Variants in KDM1B observed in about 807,000 individuals in gnomAD.
The protein encoded by KDM1B is lysine-specific histone demethylase 2.
KDM1B carries 63 observed loss-of-function variants against 107.4 expected under a neutral mutation model. The observed-to-expected ratio is 0.59, with a 90% confidence interval of 0.48 to 0.72. The LOEUF (loss-of-function observed/expected upper bound fraction) is 0.72. Ranked by LOEUF, KDM1B falls within the 30% of genes least tolerant of loss-of-function variation. The pLI, the probability that KDM1B is intolerant of heterozygous loss-of-function variation, is 0.00. For synonymous variants in KDM1B, 363 were observed against 363.9 expected (o/e 1.00, Z 0.03); for missense variants, 749 against 1,020.8 (o/e 0.73, Z 3.63).
Position 18,205,595 on chromosome 6 carries a change from G to C in KDM1B, c.1590G>C (p.Glu530Asp). 1 of 1,545,578 alleles carries C rather than the reference G, an allele frequency of 6.5e-7. No individual in the cohort carries two copies. The highest frequency in any genetic ancestry group is 8.7e-7 in the Non-Finnish European group (1 of 1,144,480). ...AGGAATCTGGTATCCAATTCAGTGA[G>C]CTGGAGGGACAGGTGCTTCAGTTCC... ...FIKESGIQFS[E>D]LEGQVLQFHL... Residue 530 changes from glutamate (E) to aspartate (D), a missense_variant, in exon 15 of 22, where the codon GAG (glutamate) becomes GAC (aspartate). By Grantham distance (45) the Glu-to-Asp change is conservative. Coordinates refer to ENST00000650836, the MANE Select transcript of KDM1B (RefSeq NM_001364614.2). This position sits in a 1 kb window ranked among gnomAD's most constrained non-coding sequence, Gnocchi z 5.7.
At chr6:18,190,955 TTAAAAA>T (rs1399043757) in intron 9 of KDM1B, among the ~76,000 whole-genome samples, 2 of 152,044 alleles carry the variant, frequency 1.3e-5, no homozygotes, top group Non-Finnish European at 1.5e-5. Context: ...TTTACCACAG[TTAAAAA>T]TAAAATAATT....
intron 6 of KDM1B, 116 bp from the exon 7 acceptor site, chr6:18,171,247 A>G (rs1053136869): frequency 8.3e-6 from 6 of 720,508 alleles, no homozygotes; most frequent in Non-Finnish European, 1.3e-5. Flanking sequence ...TGCAAGGAGG[A>G]GAAAAAATAC....
chr6:18,185,581 C>T (rs1335253335), intron 7 of KDM1B, among the ~76,000 whole-genome samples, 191 bp from the exon 8 acceptor site: 7 of 152,162 alleles, frequency 4.6e-5, no homozygotes, highest in South Asian at 2.1e-4. Flanking sequence ...CTCAACCTCC[C>T]GAAGTGCTGG....
At chr6:18,169,434 C>T (rs1213876731) in intron 6 of KDM1B, among the ~76,000 whole-genome samples, 2 of 152,062 alleles carry the variant, frequency 1.3e-5, no homozygotes, top group African/African-American at 4.8e-5. Context: ...CCATGTTGGC[C>T]AGGCAGGTCT....
chr6:18,158,298 C>T lies in KDM1B; in HGVS notation c.-13-1585C>T, dbSNP rs116299013. 7.3e-3 allele frequency among the ~76,000 whole-genome samples: 995 copies of T among 135,714 alleles called. 11 individuals carry two copies. Among genetic ancestry groups the T allele is most frequent in the African/African-American group, 0.026 (955 of 36,196 alleles). The allele number at this position is 135,714 out of a possible 152,430, so 89.0% of individuals were successfully genotyped here. On this transcript the variant is annotated intron_variant, in intron 2 of 21. Transcript: ENST00000650836. The stretch of plus-strand genomic sequence containing the variant: ...AAGTGAAGATTAAGTCAAAGGAGGC[C>T]GGGCGATAGAGTGAGACTCCTTCAC...
Position 18,186,497 on chromosome 6 carries a change from C to T in KDM1B, c.573+687C>T, listed in dbSNP as rs900608844. Among the ~76,000 whole-genome samples, 5 of 152,242 alleles carry T rather than the reference C, an allele frequency of 3.3e-5. No homozygotes were observed. The highest frequency in any genetic ancestry group is 3.4e-3 in the Middle Eastern group (1 of 294). ...CTAGATGTCTGAAACTCAGGAACTA[C>T]GATAGCTTTTCAGGCAAAGACAGCA... On this transcript the variant is annotated intron_variant, in intron 8 of 21. Transcript: ENST00000650836. The surrounding 1 kb of genome is among the most constrained non-coding windows in gnomAD (Gnocchi z 5.6).
rs1421049204 is a variant in KDM1B, at chr6:18,191,133, C to T, written c.785-64C>T. The T allele has an allele frequency of 4.7e-6, 7 of 1,473,838 alleles. No homozygotes were observed. Among genetic ancestry groups the T allele is most frequent in the Non-Finnish European group, 6.4e-6 (7 of 1,089,196 alleles). The allele number at this position is 1,473,838 out of a possible 1,614,324, so 91.3% of individuals were successfully genotyped here. ...GCTTACTTTTTGGTTTGCTTTTGCCCTTTAATTCTTCTGGATTTGGAAGTT... is the reference window on the plus strand; with the variant it reads ...GCTTACTTTTTGGTTTGCTTTTGCCTTTTAATTCTTCTGGATTTGGAAGTT... On this transcript the variant is annotated intron_variant, in intron 9 of 21. Transcript: ENST00000650836. This position sits in a 1 kb window ranked among gnomAD's most constrained non-coding sequence, Gnocchi z 5.1.
chr6:18,173,106 A>G (rs1033912051), intron 7 of KDM1B, among the ~76,000 whole-genome samples: 6 of 148,616 alleles, frequency 4.0e-5, no homozygotes, highest in African/African-American at 9.9e-5. Flanking sequence ...AAAAAAAAAA[A>G]GTGTAATCAG....
chr6:18,202,554 T>C (rs6938294), intron 14 of KDM1B, among the ~76,000 whole-genome samples: 13,937 of 152,224 alleles, frequency 0.092, 840 homozygotes, highest in Non-Finnish European at 0.12. Context: ...TAAATTGATA[T>C]TTATTTGGCC....
At position 18,215,139 on chromosome 6, in the gene KDM1B, A is replaced by T. The variant is rs1789126197; in HGVS notation, c.2232+10A>T. 1 of 1,609,322 alleles carries T rather than the reference A, an allele frequency of 6.2e-7. No homozygotes were observed. The highest frequency in any genetic ancestry group is 1.7e-5 in the Admixed American group (1 of 59,656). Reference sequence around the variant, plus strand: ...GCTGTTCAAGGAGCAGGTGAGAGAGAGGAAGCCCTCCTTGAAAGGGGCAAG... The same window carrying T: ...GCTGTTCAAGGAGCAGGTGAGAGAGTGGAAGCCCTCCTTGAAAGGGGCAAG... On this transcript the variant is annotated intron_variant, in intron 20 of 21. Coordinates refer to ENST00000650836, the MANE Select transcript of KDM1B (RefSeq NM_001364614.2).
At chr6:18,195,853 C>T (rs1465373971) in intron 10 of KDM1B, among the ~76,000 whole-genome samples, 1 of 151,990 alleles carries the variant, frequency 6.6e-6, no homozygotes, top group Non-Finnish European at 1.5e-5. Context: ...TTAAAACTCT[C>T]TCCATGATAT....
intron 9 of KDM1B, among the ~76,000 whole-genome samples, chr6:18,189,234 T>TTTG (rs199648034): frequency 5.9e-5 from 9 of 152,158 alleles, no homozygotes; most frequent in East Asian, 3.8e-4. Flanking sequence ...ATCTTAAGGT[T>TTTG]TTGTTGTTGT....
In KDM1B at chr6:18,205,479, A is replaced by G. The variant is rs1788305195; in HGVS notation, c.1532-58A>G. ...GACAGAGGTTGAAAGCAAAGGAGAA[A>G]GAATTGGAGAATCTTGTTAAAGCTA... On this transcript the variant is annotated intron_variant, in intron 14 of 21. Coordinates refer to ENST00000650836, the MANE Select transcript of KDM1B (RefSeq NM_001364614.2). This position sits in a 1 kb window ranked among gnomAD's most constrained non-coding sequence, Gnocchi z 5.7. 1 of 1,506,718 alleles carries G rather than the reference A, an allele frequency of 6.6e-7. No homozygotes were observed. The highest frequency in any genetic ancestry group is 1.4e-5 in the African/African-American group (1 of 70,808). 93.3% of individuals were successfully genotyped at this position (1,506,718 alleles called of 1,614,324 possible).
chr6:18,172,404 C>CAA lies in KDM1B; in HGVS notation c.534+926_534+927dup, dbSNP rs1785717201. Among the ~76,000 whole-genome samples the CAA allele has an allele frequency of 6.6e-6, 1 of 152,082 alleles. No homozygotes were observed. The highest frequency in any genetic ancestry group is 1.5e-5 in the Non-Finnish European group (1 of 68,016). ...ATAAAATTCACCCTTTTAAAGCATA[C>CAA]AATTGAGTGGCTGTGGTGCAGGTTG... On this transcript the variant is annotated intron_variant, in intron 7 of 21. Transcript: ENST00000650836. This position sits in a 1 kb window ranked among gnomAD's most constrained non-coding sequence, Gnocchi z 5.2.
At chr6:18,180,013 G>A (rs536089516) in intron 7 of KDM1B, among the ~76,000 whole-genome samples, 2 of 150,102 alleles carry the variant, frequency 1.3e-5, no homozygotes, top group African/African-American at 2.5e-5. Flanking sequence ...ACAGGTGTGT[G>A]CCACTGTGCT....
In KDM1B at chr6:18,204,767, C is replaced by T. The variant is rs1341397680; in HGVS notation, c.1532-770C>T. Among the ~76,000 whole-genome samples, 1 of 152,234 alleles carries T rather than the reference C, an allele frequency of 6.6e-6. No individual in the cohort carries two copies. ...GAAATTCTGGGGGCTTGCCACGGCC[C>T]GGTGATGCCCGACTATAAAGAATGG... On this transcript the variant is annotated intron_variant, in intron 14 of 21. Transcript: ENST00000650836. The surrounding 1 kb of genome is among the most constrained non-coding windows in gnomAD (Gnocchi z 4.9).
chr6:18,188,793 T>TC (rs1448792032), intron 9 of KDM1B, among the ~76,000 whole-genome samples: 2 of 151,120 alleles, frequency 1.3e-5, no homozygotes, highest in African/African-American at 4.9e-5. Flanking sequence ...TTTTTTTTTT[T>TC]TTCTTTTTGA....
chr6:18,171,901 G>A (rs1159345624), intron 7 of KDM1B, among the ~76,000 whole-genome samples: 1 of 152,212 alleles, frequency 6.6e-6, no homozygotes, highest in African/African-American at 2.4e-5. Flanking sequence ...GGGGGAAACA[G>A]GAGCTTTCCT....
At chr6:18,183,435 T>C (rs1015083361) in intron 7 of KDM1B, among the ~76,000 whole-genome samples, 2 of 151,860 alleles carry the variant, frequency 1.3e-5, no homozygotes, top group Non-Finnish European at 2.9e-5. Context: ...ATTTTTTGTA[T>C]TTTTAGTAGA....
Sources: allele counts gnomAD v4.1 joint callset (sites outside exome capture counted in the v4.1 genomes callset), GRCh38; gene constraint gnomAD v4.1.1; non-coding constraint Gnocchi (gnomAD v3.1); transcripts MANE v1.5; gene names NCBI Gene and HGNC (gene_info 2026-07-23, HGNC 2026-07-21).